The following PDZRN3 variants were observed in gnomAD, a reference collection of about 807,000 sequenced individuals.
PDZRN3 encodes E3 ubiquitin-protein ligase PDZRN3.
In PDZRN3, 38 loss-of-function variants were observed where a neutral mutation model predicts 85.7. The observed-to-expected ratio is 0.44, with a 90% CI of 0.34 to 0.58. The LOEUF is 0.58. PDZRN3 is among the 20% of genes least tolerant of loss of function. The probability of loss-of-function intolerance (pLI) is 0.01; values close to 1 mark genes in which losing one functional copy is unlikely to be tolerated. For synonymous variants in PDZRN3, 759 were observed against 638.0 expected (o/e 1.19, Z -2.86); for missense variants, 1,629 against 1,506.4 (o/e 1.08, Z -1.35).
At chr3:73,543,684 T>C (rs1406992395) in intron 3 of PDZRN3, among the ~76,000 whole-genome samples, 1 of 152,186 alleles carries the variant, frequency 6.6e-6, no homozygotes, top group Non-Finnish European at 1.5e-5. Context: ...CTGGACCAAC[T>C]ATTTAACTTA....
At chr3:73,423,684 A>G (rs1702247324) in intron 3 of PDZRN3, among the ~76,000 whole-genome samples, 1 of 152,170 alleles carries the variant, frequency 6.6e-6, no homozygotes, top group South Asian at 2.1e-4. Flanking sequence ...TGCTTTATAT[A>G]TATATTTTTA....
At chr3:73,609,247 C>A (rs1702647954) in intron 1 of PDZRN3, among the ~76,000 whole-genome samples, 2 of 152,078 alleles carry the variant, frequency 1.3e-5, no homozygotes, top group Admixed American at 6.5e-5. Flanking sequence ...GGGGAGGGGG[C>A]ATTTTCACAA....
intron 3 of PDZRN3, among the ~76,000 whole-genome samples, chr3:73,584,795 C>G (rs189196312): frequency 6.6e-6 from 1 of 152,182 alleles, no homozygotes; most frequent in Non-Finnish European, 1.5e-5. Context: ...CTCAAAATTA[C>G]CAATATATTT....
intron 3 of PDZRN3, among the ~76,000 whole-genome samples, chr3:73,554,236 C>T (rs1196231225): frequency 6.6e-6 from 1 of 152,144 alleles, no homozygotes; most frequent in Non-Finnish European, 1.5e-5. Flanking sequence ...ATCCAGTATG[C>T]AGCTTACGAG....
intron 3 of PDZRN3, among the ~76,000 whole-genome samples, chr3:73,527,704 G>A (rs867403107): frequency 2.0e-5 from 3 of 152,062 alleles, no homozygotes; most frequent in Admixed American, 1.3e-4. Flanking sequence ...AACTAATTAC[G>A]AAAAGAATTT....
At chr3:73,600,196 G>C (rs550311932) in intron 3 of PDZRN3, among the ~76,000 whole-genome samples, 1 of 152,104 alleles carries the variant, frequency 6.6e-6, no homozygotes, top group East Asian at 1.9e-4. Flanking sequence ...ATACCCCTTT[G>C]CAAGAATTAA....
intron 3 of PDZRN3, among the ~76,000 whole-genome samples, chr3:73,558,487 G>A (rs1416661111): frequency 2.0e-5 from 3 of 152,196 alleles, no homozygotes; most frequent in African/African-American, 7.2e-5. Context: ...AGGCAAAAGT[G>A]GATAAACTAG....
chr3:73,438,511 T>C (rs968326927), intron 3 of PDZRN3, among the ~76,000 whole-genome samples: 4 of 152,216 alleles, frequency 2.6e-5, no homozygotes, highest in African/African-American at 7.2e-5. Flanking sequence ...GGAAGAGTCA[T>C]GTCAAAAAGA....
chr3:73,531,936 A>G (rs1002918819), intron 3 of PDZRN3, among the ~76,000 whole-genome samples: 12 of 152,252 alleles, frequency 7.9e-5, no homozygotes, highest in African/African-American at 1.4e-4. Context: ...AGAGTGTTGT[A>G]TAAAATAATG....
At chr3:73,386,675 G>T (rs1216314614) in intron 8 of PDZRN3, among the ~76,000 whole-genome samples, 4 of 152,244 alleles carry the variant, frequency 2.6e-5, no homozygotes, top group African/African-American at 9.6e-5. Flanking sequence ...GGCTGCTTTT[G>T]CACTAGAGTG....
At chr3:73,435,092 C>T (rs71300575) in intron 3 of PDZRN3, among the ~76,000 whole-genome samples, 3 of 152,138 alleles carry the variant, frequency 2.0e-5, no homozygotes, top group Non-Finnish European at 4.4e-5. Flanking sequence ...CTTGCTGAGA[C>T]GTGCCATGGG....
chr3:73,404,390 G>A lies in PDZRN3; in HGVS notation c.924C>T (p.Asn308=), dbSNP rs61756474. ...LQIHDRIIEV[N]GRDLSRATHD... ...GAGTTGCTCTGGATAAGTCTCTGCCGTTGACCTGTGGAAAAATATTTAGGG... is the reference window on the plus strand; with the variant it reads ...GAGTTGCTCTGGATAAGTCTCTGCCATTGACCTGTGGAAAAATATTTAGGG... Residue 308 remains asparagine, a synonymous_variant, in exon 4 of 10, where the codon AAC becomes AAT. Transcript: ENST00000263666. 10,432 of 1,610,976 alleles carry A rather than the reference G, an allele frequency of 6.5e-3. 41 individuals carry two copies. The highest frequency in any genetic ancestry group is 7.9e-3 in the Non-Finnish European group (9,339 of 1,178,436).
intron 3 of PDZRN3, among the ~76,000 whole-genome samples, chr3:73,470,306 C>G (rs1703310425): frequency 6.6e-6 from 1 of 152,170 alleles, no homozygotes; most frequent in Non-Finnish European, 1.5e-5. Flanking sequence ...GCCGTGTAAA[C>G]TATATAGTGT....
chr3:73,397,305 C>T (rs1031118379), intron 5 of PDZRN3, among the ~76,000 whole-genome samples: 13 of 152,216 alleles, frequency 8.5e-5, no homozygotes, highest in South Asian at 4.1e-4. Flanking sequence ...CTTTGGAAGG[C>T]GCTGACTTTA....
At chr3:73,437,687 T>TA (rs1337307020) in intron 3 of PDZRN3, among the ~76,000 whole-genome samples, 3 of 152,246 alleles carry the variant, frequency 2.0e-5, no homozygotes, top group Non-Finnish European at 2.9e-5. Context: ...ATGCACCCAT[T>TA]ATGCCTAAAA....
chr3:73,547,813 A>G (rs892777912), intron 3 of PDZRN3, among the ~76,000 whole-genome samples: 1 of 152,238 alleles, frequency 6.6e-6, no homozygotes, highest in East Asian at 1.9e-4. Context: ...AGCCAGAGTC[A>G]ACTCTGAAGC....
rs1701808902 is a variant in PDZRN3, at chr3:73,404,213, G to A, written c.1101C>T (p.Ile367=). The change falls in exon 4 of 10, where the codon ATC becomes ATT. Residue 367 remains isoleucine (I), a synonymous_variant. Transcript: ENST00000263666. ...GTQTDITFEH[I]MALTKMSSPS... ...GAGAGGACATCTTAGTGAGGGCCAT[G>A]ATATGTTCAAAGGTGATGTCGGTTT... The A allele has an allele frequency of 2.5e-6, 4 of 1,614,030 alleles. No homozygotes were observed. Among genetic ancestry groups the A allele is most frequent in the Middle Eastern group, 1.6e-4 (1 of 6,062 alleles).
chr3:73,408,095 A>G (rs1701890302), intron 3 of PDZRN3: 1 of 698,232 alleles, frequency 1.4e-6, no homozygotes, highest in Admixed American at 2.1e-5. Flanking sequence ...GCAGTTTTCA[A>G]TCAAATACAG....
chr3:73,445,458 C>A (rs1297669041), intron 3 of PDZRN3, among the ~76,000 whole-genome samples: 1 of 152,096 alleles, frequency 6.6e-6, no homozygotes, highest in Non-Finnish European at 1.5e-5. Context: ...CAAAACAAAA[C>A]AAAACAAAAC....
Sources: allele counts gnomAD v4.1 joint callset (sites outside exome capture counted in the v4.1 genomes callset), GRCh38; gene constraint gnomAD v4.1.1; transcripts MANE v1.5; gene names NCBI Gene and HGNC (gene_info 2026-07-23, HGNC 2026-07-21).